Variants in STK33 observed in about 807,000 individuals in gnomAD.
The protein encoded by STK33 is serine/threonine-protein kinase 33.
In STK33, 52 loss-of-function variants were observed where a neutral mutation model predicts 58.0. That is an observed-to-expected ratio of 0.90 (90% CI 0.72 to 1.13). The LOEUF (loss-of-function observed/expected upper bound fraction) is 1.13, where lower values mean the gene tolerates loss of function less well. STK33 is among the 50% of genes most tolerant of loss of function. The probability of loss-of-function intolerance (pLI) is 0.00; values close to 1 mark genes in which losing one functional copy is unlikely to be tolerated. For synonymous variants in STK33, 215 were observed against 200.1 expected (o/e 1.07, Z -0.63); for missense variants, 630 against 604.2 (o/e 1.04, Z -0.45).
At position 8,494,075 on chromosome 11, in the gene STK33, A is replaced by G. The variant is rs543678809; in HGVS notation, c.-465-13461T>C. 2.6e-5 allele frequency among the ~76,000 whole-genome samples: 4 copies of G among 152,336 alleles called. No homozygotes were observed. The East Asian group carries it at 7.7e-4, about 29-fold the overall frequency. ...CCCTCTCTCACCATTCCTATTCAAC[A>G]AAGTATTGGAAGTTCTGGCCAGAGC... On this transcript the variant is annotated intron_variant, in intron 1 of 15. Transcript: ENST00000687296.
chr11:8,585,431 G>A (rs915340579), intron 1 of STK33, among the ~76,000 whole-genome samples: 2 of 150,050 alleles, frequency 1.3e-5, no homozygotes, highest in South Asian at 4.2e-4. Flanking sequence ...CCCCATGTTG[G>A]CCAGGCTGGT....
intron 15 of STK33, among the ~76,000 whole-genome samples, chr11:8,403,495 T>C (rs1261038280): frequency 1.3e-5 from 2 of 152,174 alleles, no homozygotes; most frequent in Non-Finnish European, 2.9e-5. Flanking sequence ...ATTTCAGCAC[T>C]GTGGAGGTGG....
At chr11:8,353,527 T>C in the STK33 span, among the ~76,000 whole-genome samples, 1 of 152,208 alleles carries the variant, frequency 6.6e-6, no homozygotes, top group African/African-American at 2.4e-5. Flanking sequence ...CCAAACCTGC[T>C]GAAATCGGTT....
At chr11:8,578,028 T>C (rs1377818056) in intron 1 of STK33, among the ~76,000 whole-genome samples, 1 of 152,128 alleles carries the variant, frequency 6.6e-6, no homozygotes, top group African/African-American at 2.4e-5. Context: ...TGTCTGCTCA[T>C]ATGCAGACAT....
chr11:8,493,281 C>A (rs112125043), intron 1 of STK33, among the ~76,000 whole-genome samples: 15,855 of 151,890 alleles, frequency 0.1, 985 homozygotes, highest in East Asian at 0.27. Context: ...ACCGATGACA[C>A]AGAAATACAA....
intron 15 of STK33, among the ~76,000 whole-genome samples, chr11:8,398,312 T>C (rs1427157606): frequency 2.0e-5 from 3 of 152,230 alleles, no homozygotes; most frequent in Admixed American, 1.3e-4. Flanking sequence ...ATATTCAACA[T>C]TCTTAAAGCA....
rs114468904 is a variant in STK33 at position 8,501,331 on chromosome 11, T to C, written c.-465-20717A>G. ...CTATCAAGAACATGTAAAGAATTCT[T>C]ACAACTCAAGAATAAAGAGACAACC... is the stretch of plus-strand genomic sequence containing the variant. On this transcript the variant is annotated intron_variant, in intron 1 of 15. Transcript: ENST00000687296. Among the ~76,000 whole-genome samples the C allele has an allele frequency of 6.1e-3, 935 of 152,166 alleles. 12 individuals are homozygous for C. The highest frequency in any genetic ancestry group is 0.022 in the African/African-American group (894 of 41,524).
At chr11:8,511,812 C>G (rs1952349668) in intron 1 of STK33, among the ~76,000 whole-genome samples, 1 of 152,018 alleles carries the variant, frequency 6.6e-6, no homozygotes. Context: ...CCCTGCATCC[C>G]TAGTATGAAA....
the STK33 span, among the ~76,000 whole-genome samples, chr11:8,348,859 G>T: frequency 3.1e-4 from 46 of 150,628 alleles, no homozygotes; most frequent in African/African-American, 9.3e-4. Flanking sequence ...AGTGAAAAGG[G>T]TTGGAGAGCA....
At chr11:8,566,186 A>T (rs893309310) in intron 1 of STK33, among the ~76,000 whole-genome samples, 7 of 152,222 alleles carry the variant, frequency 4.6e-5, no homozygotes, top group Admixed American at 3.9e-4. Flanking sequence ...CTTCCAAAAT[A>T]TGACTGCATT....
At chr11:8,573,367 T>C (rs1957954941) in intron 1 of STK33, among the ~76,000 whole-genome samples, 2 of 152,144 alleles carry the variant, frequency 1.3e-5, no homozygotes. Context: ...TGGGGAAATG[T>C]GAATTAATAT....
chr11:8,348,713 C>T, the STK33 span, among the ~76,000 whole-genome samples: 1 of 152,164 alleles, frequency 6.6e-6, no homozygotes, highest in African/African-American at 2.4e-5. Flanking sequence ...TCTGTCTCCA[C>T]TAAGCCTGAT....
chr11:8,525,598 G>T (rs767944609), intron 1 of STK33, among the ~76,000 whole-genome samples: 4 of 152,106 alleles, frequency 2.6e-5, no homozygotes, highest in Admixed American at 6.6e-5. Flanking sequence ...TTAATTTCAG[G>T]CGGATTATAA....
chr11:8,335,812 T>C, the STK33 span, among the ~76,000 whole-genome samples: 1 of 152,344 alleles, frequency 6.6e-6, no homozygotes, highest in Admixed American at 6.5e-5. Flanking sequence ...TTTACATTCT[T>C]CTATGGTGAT....
chr11:8,358,474 G>T, the STK33 span, among the ~76,000 whole-genome samples: 1 of 152,216 alleles, frequency 6.6e-6, no homozygotes, highest in African/African-American at 2.4e-5. Flanking sequence ...TCCGGCCAAG[G>T]TCTAACCGTC....
chr11:8,532,788 T>C (rs1456881860), intron 1 of STK33, among the ~76,000 whole-genome samples: 2 of 152,202 alleles, frequency 1.3e-5, no homozygotes, highest in South Asian at 2.1e-4. Context: ...ACCCTGATTA[T>C]AAAATATATA....
intron 1 of STK33, among the ~76,000 whole-genome samples, chr11:8,482,671 T>C (rs1211757299): frequency 1.3e-5 from 2 of 152,158 alleles, no homozygotes; most frequent in African/African-American, 4.8e-5. Context: ...TCAGTTCCCC[T>C]GTATGTAAAG....
At chr11:8,534,241 C>T (rs1460881346) in intron 1 of STK33, among the ~76,000 whole-genome samples, 1 of 151,670 alleles carries the variant, frequency 6.6e-6, no homozygotes, top group African/African-American at 2.4e-5. Flanking sequence ...CACCACTGCA[C>T]TCCAGCCTGG....
the STK33 span, among the ~76,000 whole-genome samples, chr11:8,337,640 GGGGGC>G: frequency 9.6e-3 from 1,284 of 134,340 alleles, 17 homozygotes; most frequent in African/African-American, 0.02. Flanking sequence ...GACGACGGCG[GGGGGC>G]GGGGGGGGGG....
Sources: allele counts gnomAD v4.1 joint callset (sites outside exome capture counted in the v4.1 genomes callset), GRCh38; gene constraint gnomAD v4.1.1; transcripts MANE v1.5; gene names NCBI Gene and HGNC (gene_info 2026-07-23, HGNC 2026-07-21).